Variants in SEC16B observed in about 807,000 individuals in gnomAD.
SEC16B encodes protein transport protein Sec16B.
A neutral mutation model predicts 141.8 loss-of-function variants in SEC16B; 115 were observed. That is an observed-to-expected ratio of 0.81 (90% CI 0.70 to 0.95). SEC16B has a LOEUF of 0.95. SEC16B is among the 40% of genes least tolerant of loss of function. The probability of loss-of-function intolerance (pLI) is 0.00; values close to 1 mark genes in which losing one functional copy is unlikely to be tolerated. For synonymous variants in SEC16B, 493 were observed against 492.5 expected, an observed-to-expected ratio of 1.00 and a Z score of -0.01; for missense variants, 1,291 against 1,312.3, an observed-to-expected ratio of 0.98 and a Z score of 0.25.
rs1651136513 is a variant in SEC16B at position 177,939,735 on chromosome 1, AGCGAG to A, written c.2165_2169del (p.Thr722IlefsTer27). The stretch of plus-strand genomic sequence containing the variant: ...GTTCCTCCGGCTCCCGAAATATCTG[AGCGAG>A]TAGGATGAGGATCCCCAATGTCTCC... On this transcript the variant is annotated frameshift_variant, in exon 18 of 26. Transcript: ENST00000308284. LOFTEE classifies it high-confidence loss of function. 1 of 1,596,928 alleles carries A rather than the reference AGCGAG, an allele frequency of 6.3e-7. No homozygotes were observed. Among genetic ancestry groups the A allele is most frequent in the Non-Finnish European group, 8.5e-7 (1 of 1,170,960 alleles).
At chr1:177,981,395 G>T (rs2102032806) in intron 1 of SEC16B, among the ~76,000 whole-genome samples, 1 of 152,102 alleles carries the variant, frequency 6.6e-6, no homozygotes, top group South Asian at 2.1e-4. Flanking sequence ...CAAAAAGCAG[G>T]CACCCGGAAC....
At position 177,929,419 on chromosome 1, in the gene SEC16B, C is replaced by A; in HGVS notation, c.*439G>T. On this transcript the variant is annotated 3_prime_UTR_variant, in exon 26 of 26. Coordinates refer to ENST00000308284, the MANE Select transcript of SEC16B (RefSeq NM_033127.4). Reference sequence around the variant, plus strand: ...AATAGAGCCATGTATTGGTCTATTACTAAGACAGGAAGTAGTCAAAGTTGG... The same window carrying A: ...AATAGAGCCATGTATTGGTCTATTAATAAGACAGGAAGTAGTCAAAGTTGG... The A allele has an allele frequency of 5.4e-6, 1 of 185,120 alleles. No homozygotes were observed. Among genetic ancestry groups the A allele is most frequent in the Non-Finnish European group, 1.2e-5 (1 of 86,500 alleles). 11.5% of individuals were successfully genotyped at this position (185,120 alleles called of 1,614,324 possible). A position where few individuals can be genotyped will look rare whatever the true frequency, so the allele number is the denominator to read the frequency against.
chr1:177,939,872 T>C, intron 17 of SEC16B, 95 bp from the exon 18 acceptor site: 3 of 1,019,756 alleles, frequency 2.9e-6, no homozygotes, highest in Non-Finnish European at 4.3e-6. Context: ...AAAAAGAAAC[T>C]TCCAGTGGGA....
intron 16 of SEC16B, among the ~76,000 whole-genome samples, chr1:177,941,486 C>G (rs1361756813): frequency 6.6e-6 from 1 of 152,200 alleles, no homozygotes; most frequent in South Asian, 2.1e-4. Context: ...TTAAATGTAC[C>G]TCACATGTGA....
chr1:177,961,949 A>C (rs1229831236), intron 5 of SEC16B, among the ~76,000 whole-genome samples: 1 of 152,100 alleles, frequency 6.6e-6, no homozygotes, highest in Non-Finnish European at 1.5e-5. Context: ...TTGAAATCTC[A>C]GCTTTGCCTT....
Position 177,960,852 on chromosome 1 carries a change from T to G in SEC16B, c.875A>C (p.His292Pro), listed in dbSNP as rs12040910. Residue 292 changes from histidine (H) to proline (P), a missense_variant, in exon 7 of 26, where the codon CAT (histidine) becomes CCT (proline). Coordinates refer to ENST00000308284, the MANE Select transcript of SEC16B (RefSeq NM_033127.4). ...VSFGPGGQLV[H>P]VGPSSPTDGQ... The stretch of plus-strand genomic sequence containing the variant: ...GTCAGTGGGAGAGCTGGGACCTACA[T>G]GCACCAGCTGACCTCCTGGCCCGAA... 6.2e-7 allele frequency: 1 copy of G among 1,613,396 alleles called. No homozygotes were observed. The highest frequency in any genetic ancestry group is 8.5e-7 in the Non-Finnish European group (1 of 1,179,640).
At chr1:177,968,451 T>C (rs1188021919) in intron 1 of SEC16B, among the ~76,000 whole-genome samples, 1 of 152,094 alleles carries the variant, frequency 6.6e-6, no homozygotes, top group Non-Finnish European at 1.5e-5. Flanking sequence ...TAGATCAGAG[T>C]TCAAATCCTA....
At chr1:177,946,254 G>T in intron 14 of SEC16B, 166 bp downstream of exon 14, 1 of 686,478 alleles carries the variant, frequency 1.5e-6, no homozygotes, top group Non-Finnish European at 2.7e-6. Context: ...GGGCCCACGG[G>T]GCATCTCCTT....
chr1:177,968,988 G>A (rs146129110), intron 1 of SEC16B, among the ~76,000 whole-genome samples: 146 of 152,288 alleles, frequency 9.6e-4, no homozygotes, highest in African/African-American at 2.6e-3. Flanking sequence ...CCCATTGCAC[G>A]GGGTAGCGGG....
intron 5 of SEC16B, 103 bp from the exon 6 acceptor site, chr1:177,961,837 T>C: frequency 1.9e-6 from 2 of 1,080,468 alleles, no homozygotes; most frequent in Non-Finnish European, 1.4e-6. Flanking sequence ...AGTGGATGTG[T>C]TGAAAGGATA....
chr1:177,933,707 C>G, intron 20 of SEC16B, 71 bp from the exon 21 acceptor site: 1 of 1,466,686 alleles, frequency 6.8e-7, no homozygotes, highest in South Asian at 1.2e-5. Context: ...CACATACTCC[C>G]TCACCTGACC....
chr1:177,942,162 A>T, intron 15 of SEC16B, 122 bp from the exon 16 acceptor site: 2 of 1,088,256 alleles, frequency 1.8e-6, no homozygotes, highest in Non-Finnish European at 2.6e-6. Flanking sequence ...TCCAAATACC[A>T]AGAGGCTTGT....
chr1:177,961,301 T>C, intron 6 of SEC16B: 1 of 463,948 alleles, frequency 2.2e-6, no homozygotes. Flanking sequence ...CTTTTGCTTT[T>C]CCTAATTCTC....
intron 11 of SEC16B, 98 bp from the exon 12 acceptor site, chr1:177,952,093 G>C: frequency 9.6e-7 from 1 of 1,042,202 alleles, no homozygotes; most frequent in Non-Finnish European, 1.4e-6. Context: ...ATTAGATTTT[G>C]GCAGCTTCCT....
intron 24 of SEC16B, 56 bp downstream of exon 24, chr1:177,932,434 C>A (rs1035023093): frequency 3.7e-5 from 49 of 1,326,910 alleles, no homozygotes; most frequent in Non-Finnish European, 4.4e-5. Flanking sequence ...AAGGTTCAGT[C>A]CTCACACACA....
At chr1:177,944,774 A>C in intron 14 of SEC16B, 108 bp from the exon 15 acceptor site, 1 of 875,066 alleles carries the variant, frequency 1.1e-6, no homozygotes, top group South Asian at 1.6e-5. Flanking sequence ...GGGAGTTTCC[A>C]TCCTGGGCTG....
chr1:177,937,366 G>C lies in SEC16B; in HGVS notation c.2351C>G (p.Pro784Arg). The change falls in exon 19 of 26, where the codon CCA becomes CGA. Residue 784 changes from proline to arginine, a missense_variant. Transcript: ENST00000308284. ...QPFPLQPGSY[P>R]AGGGAGQTGT... is the part of the protein sequence containing the mutation. ...TGTCTGCCCTGCACCCCCTCCTGCTGGGTAGGAGCCCGGCTGGAGGGGAAA... is the reference window on the plus strand; with the variant it reads ...TGTCTGCCCTGCACCCCCTCCTGCTCGGTAGGAGCCCGGCTGGAGGGGAAA... 1 of 1,613,374 alleles carries C rather than the reference G, an allele frequency of 6.2e-7. No homozygotes were observed. The highest frequency in any genetic ancestry group is 1.1e-5 in the South Asian group (1 of 90,912).
Position 177,929,136 on chromosome 1 carries a change from G to A in SEC16B, c.*722C>T, listed in dbSNP as rs975791950. The A allele has an allele frequency of 3.9e-5, 6 of 152,622 alleles. No homozygotes were observed. Among genetic ancestry groups the A allele is most frequent in the Non-Finnish European group, 8.8e-5 (6 of 68,106 alleles). The allele number at this position is 152,622 out of a possible 1,614,324, so 9.5% of individuals were successfully genotyped here. On this transcript the variant is annotated 3_prime_UTR_variant, in exon 26 of 26. Transcript: ENST00000308284. Reference sequence around the variant, plus strand: ...ACCGTTTTCCATCATTTATTATACTGATGTGCCATCCATCTGCATCATTAG... The same window carrying A: ...ACCGTTTTCCATCATTTATTATACTAATGTGCCATCCATCTGCATCATTAG...
Position 177,958,888 on chromosome 1 carries a change from G to A in SEC16B, c.1086C>T (p.Asp362=), listed in dbSNP as rs1252576983. 8 of 1,613,704 alleles carry A rather than the reference G, an allele frequency of 5.0e-6. No homozygotes were observed. In the Admixed American group the frequency reaches 8.3e-5, roughly 17 times the overall value. The change falls in exon 9 of 26, where the codon GAC becomes GAT. Residue 362 remains aspartate (D), a synonymous_variant. Coordinates refer to ENST00000308284, the MANE Select transcript of SEC16B (RefSeq NM_033127.4). ...SCKSETLGSR[D]SALLWQLLVL... is the part of the protein sequence containing the mutation. ...CCAAGAGCTGCCACAGTAGAGCTGA[G>A]TCTCTGCTCCCCAGTGTCTCAGATT...
Sources: allele counts gnomAD v4.1 joint callset (sites outside exome capture counted in the v4.1 genomes callset), GRCh38; gene constraint gnomAD v4.1.1; transcripts MANE v1.5; gene names NCBI Gene and HGNC (gene_info 2026-07-23, HGNC 2026-07-21).